Variants in CNBD1 observed in about 807,000 individuals in gnomAD.
CNBD1 encodes the protein cyclic nucleotide binding domain containing 1.
CNBD1 carries 71 observed loss-of-function variants against 54.4 expected under a neutral mutation model. The observed-to-expected ratio is 1.30, with a 90% CI of 1.08 to 1.59. The LOEUF (loss-of-function observed/expected upper bound fraction) is 1.59, where lower values mean the gene tolerates loss of function less well. Ranked by LOEUF, CNBD1 falls within the 40% of genes most tolerant of loss-of-function variation. The probability of loss-of-function intolerance (pLI) is 0.00; values close to 1 mark genes in which losing one functional copy is unlikely to be tolerated. For synonymous variants in CNBD1, 182 were observed against 170.7 expected (o/e 1.07, Z -0.51); for missense variants, 659 against 518.0 (o/e 1.27, Z -2.64).
intron 4 of CNBD1, among the ~76,000 whole-genome samples, chr8:87,176,054 T>G (rs553706046): frequency 6.6e-6 from 1 of 152,328 alleles, no homozygotes; most frequent in African/African-American, 2.4e-5. Flanking sequence ...CTCTCCCAAG[T>G]GCAGTGATGC....
intron 2 of CNBD1, among the ~76,000 whole-genome samples, chr8:87,395,154 T>C (rs1422580821): frequency 6.6e-6 from 1 of 151,932 alleles, no homozygotes; most frequent in Non-Finnish European, 1.5e-5. Flanking sequence ...TAAGTAATAT[T>C]AGGTGAGCAT....
chr8:86,951,581 C>CCAAAAAAAAAAA (rs1807624281), intron 4 of CNBD1, among the ~76,000 whole-genome samples: 1 of 37,360 alleles, frequency 2.7e-5, no homozygotes, highest in East Asian at 8.9e-4. Context: ...CTCCGTCTCA[C>CCAAAAAAAAAAA]AAAAAAAAAA....
chr8:87,198,311 T>C (rs1007501297), intron 4 of CNBD1, among the ~76,000 whole-genome samples: 2 of 152,196 alleles, frequency 1.3e-5, no homozygotes, highest in African/African-American at 4.8e-5. Flanking sequence ...ATGTGACTTA[T>C]CTACCAGCTC....
chr8:87,057,402 T>C (rs1347115642), intron 4 of CNBD1, among the ~76,000 whole-genome samples: 1 of 151,864 alleles, frequency 6.6e-6, no homozygotes, highest in Non-Finnish European at 1.5e-5. Flanking sequence ...AGCATGGGAG[T>C]CATCACCACC....
At chr8:86,905,713 GA>G (rs1179674884) in intron 3 of CNBD1, among the ~76,000 whole-genome samples, 1 of 152,166 alleles carries the variant, frequency 6.6e-6, no homozygotes, top group African/African-American at 2.4e-5. Context: ...GGGTGTTGCG[GA>G]AGGTGTAACT....
At chr8:86,952,781 T>A (rs1471510526) in intron 4 of CNBD1, among the ~76,000 whole-genome samples, 2 of 152,170 alleles carry the variant, frequency 1.3e-5, no homozygotes, top group Non-Finnish European at 2.9e-5. Context: ...AAATCTGTGG[T>A]ATAAACCATC....
At chr8:86,967,860 C>T (rs7461192) in intron 4 of CNBD1, among the ~76,000 whole-genome samples, 110,090 of 150,766 alleles carry the variant, frequency 0.73, 41,529 homozygotes, top group East Asian at 0.95. Context: ...GCTAGTAGCT[C>T]TGTAATTTTT....
intron 2 of CNBD1, among the ~76,000 whole-genome samples, chr8:87,414,660 A>T (rs1191636416): frequency 6.6e-6 from 1 of 151,988 alleles, no homozygotes; most frequent in Non-Finnish European, 1.5e-5. Context: ...TTGTACTATT[A>T]CCACAACTGT....
chr8:86,991,694 C>T (rs1471934951), intron 4 of CNBD1, among the ~76,000 whole-genome samples: 1 of 91,466 alleles, frequency 1.1e-5, no homozygotes, highest in Non-Finnish European at 2.1e-5. Flanking sequence ...AGCTGTGTCC[C>T]AAAGATTTGG....
chr8:87,406,931 G>C (rs756868610), intron 2 of CNBD1, among the ~76,000 whole-genome samples: 1 of 151,950 alleles, frequency 6.6e-6, no homozygotes, highest in Non-Finnish European at 1.5e-5. Context: ...AAAGTATTTT[G>C]TAATTTACTC....
rs1812966189 is a variant in CNBD1 at position 87,166,500 on chromosome 8, T to C, written c.432-39493T>C. Among the ~76,000 whole-genome samples the C allele has an allele frequency of 6.6e-6, 1 of 151,988 alleles. No individual in the cohort carries two copies. Among genetic ancestry groups the C allele is most frequent in the South Asian group, 2.1e-4 (1 of 4,828 alleles). On this transcript the variant is annotated intron_variant, in intron 4 of 10. Transcript: ENST00000518476. The surrounding 1 kb of genome is among the most constrained non-coding windows in gnomAD (Gnocchi z 4.3). ...ATTTGTTGCCCCATTAATCTGTTTATTGACTTAGCATTGCTCTTCAAATAG... is the reference window on the plus strand; with the variant it reads ...ATTTGTTGCCCCATTAATCTGTTTACTGACTTAGCATTGCTCTTCAAATAG...
chr8:87,137,081 A>ATC lies in CNBD1; in HGVS notation c.432-68911_432-68910insCT, dbSNP rs1563482815. 6.6e-5 allele frequency among the ~76,000 whole-genome samples: 8 copies of ATC among 121,996 alleles called. 1 individual carries two copies. The highest frequency in any genetic ancestry group is 2.6e-4 in the African/African-American group (8 of 30,664). The allele number at this position is 121,996 out of a possible 152,430, so 80.0% of individuals were successfully genotyped here. On this transcript the variant is annotated intron_variant, in intron 4 of 10. Transcript: ENST00000518476. ...ATTATATTTATATTCTATGTAAATT[A>ATC]TATATATTTATATTATATGTAAATT...
chr8:87,404,185 C>T (rs1294634273), intron 2 of CNBD1, among the ~76,000 whole-genome samples: 2 of 151,944 alleles, frequency 1.3e-5, no homozygotes, highest in Non-Finnish European at 2.9e-5. Flanking sequence ...AGAGATCCAA[C>T]GTGGGCAGTG....
At position 87,160,720 on chromosome 8, in the gene CNBD1, G is replaced by A. The variant is rs572714696; in HGVS notation, c.432-45273G>A. On this transcript the variant is annotated intron_variant, in intron 4 of 10. Coordinates refer to ENST00000518476, the MANE Select transcript of CNBD1 (RefSeq NM_173538.3). ...AAGGCACTGAGTCTTGAACTAATAA[G>A]GGATAGGGGGAGGATTCTTGAAGTA... 7.2e-5 allele frequency among the ~76,000 whole-genome samples: 11 copies of A among 152,140 alleles called. No individual in the cohort carries two copies. The South Asian group carries it at 2.3e-3, about 32-fold the overall frequency.
At chr8:87,285,377 A>T (rs1808673594) in intron 7 of CNBD1, among the ~76,000 whole-genome samples, 1 of 152,106 alleles carries the variant, frequency 6.6e-6, no homozygotes, top group Admixed American at 6.6e-5. Flanking sequence ...TTCTCTTCTA[A>T]TCAAATCCAA....
intron 8 of CNBD1, among the ~76,000 whole-genome samples, chr8:87,346,875 G>A (rs1810185493): frequency 6.6e-6 from 1 of 152,138 alleles, no homozygotes; most frequent in African/African-American, 2.4e-5. Context: ...GGATTTTATT[G>A]CCTCACAGGT....
In CNBD1 at chr8:87,258,492, C is replaced by T. The variant is rs1296824051; in HGVS notation, c.771+21380C>T. ...AGGCTGGGGTGCAGTGGTATGATCT[C>T]GACTCACTGCAACCACTGCAACTCC... On this transcript the variant is annotated intron_variant, in intron 6 of 10. Transcript: ENST00000518476. 4.0e-5 allele frequency among the ~76,000 whole-genome samples: 6 copies of T among 151,674 alleles called. No individual in the cohort carries two copies. In the South Asian group the frequency reaches 6.3e-4, roughly 16 times the overall value.
chr8:87,295,113 C>T (rs563935979), intron 8 of CNBD1, among the ~76,000 whole-genome samples: 62 of 151,916 alleles, frequency 4.1e-4, no homozygotes, highest in Non-Finnish European at 7.8e-4. Context: ...ATTTCATTAA[C>T]AGTCTCTGAA....
At chr8:87,144,693 C>T (rs1442468456) in intron 4 of CNBD1, among the ~76,000 whole-genome samples, 5 of 151,858 alleles carry the variant, frequency 3.3e-5, no homozygotes, top group Admixed American at 3.3e-4. Context: ...TGATGGCATG[C>T]ACCTGTAATC....
Sources: allele counts gnomAD v4.1 joint callset (sites outside exome capture counted in the v4.1 genomes callset), GRCh38; gene constraint gnomAD v4.1.1; non-coding constraint Gnocchi (gnomAD v3.1); transcripts MANE v1.5; gene names NCBI Gene and HGNC (gene_info 2026-07-23, HGNC 2026-07-21).